PCDH7: variants seen among roughly 807,000 people sequenced by gnomAD.
PCDH7 encodes protocadherin-7.
PCDH7 carries 17 observed loss-of-function variants against 58.9 expected under a neutral mutation model. The ratio of observed to expected loss-of-function variants is 0.29; its 90% CI spans 0.20 to 0.43. PCDH7 has a LOEUF of 0.43. Ranked by LOEUF, PCDH7 falls within the 20% of genes least tolerant of loss-of-function variation. The pLI is 1.00. For missense variants in PCDH7, 1,274 were observed against 1,441.0 expected (o/e 0.88, Z 1.88); for synonymous variants, 664 against 616.4 (o/e 1.08, Z -1.14).
At chr4:31,094,868 T>C (rs1487952627) in intron 3 of PCDH7, among the ~76,000 whole-genome samples, 1 of 151,280 alleles carries the variant, frequency 6.6e-6, no homozygotes, top group Non-Finnish European at 1.5e-5. Flanking sequence ...AGGGATATGT[T>C]ACCTAGAGTT....
chr4:31,143,083 A>T (rs1720445891), downstream of PCDH7: 1 of 159,942 alleles, frequency 6.3e-6, no homozygotes, highest in South Asian at 1.6e-4. Flanking sequence ...CTGATTCCCA[A>T]CACTCACTTT....
At chr4:30,746,572 G>T (rs1393310400) in intron 1 of PCDH7, among the ~76,000 whole-genome samples, 1 of 152,010 alleles carries the variant, frequency 6.6e-6, no homozygotes, top group African/African-American at 2.4e-5. Flanking sequence ...CCTGAAATTT[G>T]CCCCATTTGC....
intron 3 of PCDH7, among the ~76,000 whole-genome samples, chr4:31,003,074 A>G (rs953921680): frequency 6.6e-6 from 1 of 152,234 alleles, no homozygotes; most frequent in African/African-American, 2.4e-5. Flanking sequence ...AGGCACAGTT[A>G]GTCTAGAAGA....
chr4:31,077,507 T>C (rs757558073), intron 3 of PCDH7, among the ~76,000 whole-genome samples: 11 of 152,032 alleles, frequency 7.2e-5, no homozygotes, highest in Non-Finnish European at 1.6e-4. Context: ...ACGGAGATGA[T>C]GCATTTCGGA....
At chr4:30,880,983 A>G (rs1328741363) in intron 1 of PCDH7, among the ~76,000 whole-genome samples, 1 of 151,888 alleles carries the variant, frequency 6.6e-6, no homozygotes, top group Non-Finnish European at 1.5e-5. Context: ...TCTCCAGTGG[A>G]CTCCCCAAAG....
intron 3 of PCDH7, among the ~76,000 whole-genome samples, chr4:31,083,371 A>G (rs1711875205): frequency 6.6e-6 from 1 of 152,190 alleles, no homozygotes; most frequent in Admixed American, 6.5e-5. Flanking sequence ...TTTTCAAAAT[A>G]TAGGTATGAA....
At chr4:31,058,171 A>G (rs1757407221) in intron 3 of PCDH7, among the ~76,000 whole-genome samples, 1 of 150,172 alleles carries the variant, frequency 6.7e-6, no homozygotes, top group African/African-American at 2.5e-5. Flanking sequence ...AATAAAATAA[A>G]TCCCTCAACA....
At chr4:31,006,845 T>C (rs1430378727) in intron 3 of PCDH7, among the ~76,000 whole-genome samples, 1 of 149,972 alleles carries the variant, frequency 6.7e-6, no homozygotes, top group African/African-American at 2.5e-5. Context: ...TGAGCTGAGA[T>C]CACGCTACTG....
At chr4:30,807,911 G>T (rs1258307408) in intron 1 of PCDH7, among the ~76,000 whole-genome samples, 5 of 152,172 alleles carry the variant, frequency 3.3e-5, no homozygotes, top group Non-Finnish European at 7.3e-5. Flanking sequence ...TACATGAGAG[G>T]TGTCCACCCA....
chr4:31,034,593 T>TTA (rs1023519488), intron 3 of PCDH7, among the ~76,000 whole-genome samples: 3 of 152,214 alleles, frequency 2.0e-5, no homozygotes, highest in Non-Finnish European at 4.4e-5. Flanking sequence ...GCTACTTTAA[T>TTA]ATTATCTAAG....
At chr4:31,115,849 T>C (rs2109317118) in intron 3 of PCDH7, among the ~76,000 whole-genome samples, 1 of 152,356 alleles carries the variant, frequency 6.6e-6, no homozygotes, top group South Asian at 2.1e-4. Context: ...TTATCACTAC[T>C]GAATTCACAT....
At chr4:30,740,519 A>T (rs1367162042) in intron 1 of PCDH7, among the ~76,000 whole-genome samples, 2 of 151,968 alleles carry the variant, frequency 1.3e-5, no homozygotes, top group Non-Finnish European at 2.9e-5. Flanking sequence ...TATTTATATC[A>T]TTAGTACAGG....
At chr4:31,056,430 A>AAG (rs1481609828) in intron 3 of PCDH7, among the ~76,000 whole-genome samples, 7 of 98,846 alleles carry the variant, frequency 7.1e-5, no homozygotes, top group African/African-American at 1.7e-4. Flanking sequence ...GAAGGAAAGA[A>AAG]AAAGAAAGAA....
At chr4:30,774,257 T>TCTCA (rs1163300803) in intron 1 of PCDH7, among the ~76,000 whole-genome samples, 4 of 152,158 alleles carry the variant, frequency 2.6e-5, no homozygotes, top group Non-Finnish European at 5.9e-5. Flanking sequence ...TTCCTTTGCA[T>TCTCA]CTCATAGATG....
At chr4:31,106,827 A>G (rs1443324878) in intron 3 of PCDH7, among the ~76,000 whole-genome samples, 1 of 152,232 alleles carries the variant, frequency 6.6e-6, no homozygotes, top group Non-Finnish European at 1.5e-5. Context: ...TGGAAGTAGC[A>G]TGTGGTGTGA....
chr4:30,954,400 G>A (rs2109451312), intron 3 of PCDH7, among the ~76,000 whole-genome samples: 1 of 152,036 alleles, frequency 6.6e-6, no homozygotes, highest in Admixed American at 6.5e-5. Context: ...AAGAGTTCCA[G>A]TGCTGACATA....
chr4:30,960,611 T>C (rs984743918), intron 3 of PCDH7, among the ~76,000 whole-genome samples: 2 of 152,216 alleles, frequency 1.3e-5, no homozygotes, highest in Admixed American at 1.3e-4. Flanking sequence ...AACATCAGAT[T>C]AAAAATTAAG....
At position 30,789,397 on chromosome 4, in the gene PCDH7, G is replaced by T. The variant is rs565284505; in HGVS notation, c.70+64801G>T. On this transcript the variant is annotated intron_variant, in intron 1 of 3. Coordinates refer to the PCDH7 transcript ENST00000509759. ...GAAACACTAGCCCCTGATGTTTATT[G>T]CTGTAGGCTCTTTCATCTAATAGTA... Among the ~76,000 whole-genome samples the T allele has an allele frequency of 7.9e-4, 121 of 152,280 alleles. 2 individuals carry two copies. The highest frequency in any genetic ancestry group is 7.9e-4 in the Non-Finnish European group (54 of 68,016).
intron 1 of PCDH7, among the ~76,000 whole-genome samples, chr4:30,752,809 A>C (rs1718743434): frequency 6.6e-6 from 1 of 150,822 alleles, no homozygotes; most frequent in African/African-American, 2.4e-5. Context: ...AAAAGAAAGA[A>C]AAAGAAAAAA....
Sources: allele counts gnomAD v4.1 joint callset (sites outside exome capture counted in the v4.1 genomes callset), GRCh38; gene constraint gnomAD v4.1.1; transcripts MANE v1.5; gene names NCBI Gene and HGNC (gene_info 2026-07-23, HGNC 2026-07-21).